The following HLCS variants were observed in gnomAD, a reference collection of about 807,000 sequenced individuals.
The protein encoded by HLCS is biotin--protein ligase.
In HLCS, 53 loss-of-function variants were observed where a neutral mutation model predicts 75.0. That is an observed-to-expected ratio of 0.71 (90% CI 0.57 to 0.89). HLCS has a LOEUF of 0.89. Ranked by LOEUF, HLCS falls within the 40% of genes least tolerant of loss-of-function variation. The pLI, the probability that HLCS is intolerant of heterozygous loss-of-function variation, is 0.00. For missense variants in HLCS, 966 were observed against 1,074.0 expected (o/e 0.90, Z 1.41); for synonymous variants, 431 against 428.6 (o/e 1.01, Z -0.07).
intron 6 of HLCS, among the ~76,000 whole-genome samples, chr21:36,788,799 G>T (rs947206748): frequency 5.3e-5 from 8 of 152,170 alleles, no homozygotes; most frequent in Admixed American, 3.9e-4. Flanking sequence ...AGACACTGAG[G>T]TGCAGTCACG....
intron 6 of HLCS, among the ~76,000 whole-genome samples, chr21:36,882,739 G>T (rs2064284350): frequency 6.6e-6 from 1 of 151,102 alleles, no homozygotes; most frequent in African/African-American, 2.4e-5. Context: ...GGGATTACAG[G>T]TGTGAGCCAC....
chr21:36,837,439 A>AG (rs1208257119), intron 6 of HLCS, among the ~76,000 whole-genome samples: 1 of 152,194 alleles, frequency 6.6e-6, no homozygotes, highest in Non-Finnish European at 1.5e-5. Context: ...AGCACACAAA[A>AG]AACTTCATCT....
chr21:36,971,485 G>A (rs575587462), upstream of HLCS, among the ~76,000 whole-genome samples: 4 of 152,244 alleles, frequency 2.6e-5, no homozygotes, highest in East Asian at 1.9e-4. Context: ...TGCCAAATCA[G>A]GACGATTTGA....
At chr21:36,921,897 C>G (rs1201552927) in intron 5 of HLCS, among the ~76,000 whole-genome samples, 1 of 152,178 alleles carries the variant, frequency 6.6e-6, no homozygotes, top group Non-Finnish European at 1.5e-5. Context: ...TTCTCTCACT[C>G]TCTGGGAGAA....
intron 10 of HLCS, among the ~76,000 whole-genome samples, chr21:36,755,127 T>C (rs2089510524): frequency 6.6e-6 from 1 of 151,946 alleles, no homozygotes; most frequent in African/African-American, 2.4e-5. Flanking sequence ...CTGGGTGTGG[T>C]AGCTCATGTT....
chr21:36,796,658 CG>C (rs1472365950), intron 6 of HLCS, among the ~76,000 whole-genome samples: 1 of 152,168 alleles, frequency 6.6e-6, no homozygotes, highest in African/African-American at 2.4e-5. Context: ...CAAACATTAT[CG>C]GGGCCACTAA....
chr21:36,939,404 G>A (rs1157352518), intron 2 of HLCS, among the ~76,000 whole-genome samples: 5 of 152,166 alleles, frequency 3.3e-5, no homozygotes, highest in African/African-American at 4.8e-5. Context: ...AGTGTGGTCC[G>A]AGACCAAGTG....
chr21:36,933,767 G>A (rs2066755511), intron 4 of HLCS, among the ~76,000 whole-genome samples: 1 of 152,166 alleles, frequency 6.6e-6, no homozygotes, highest in African/African-American at 2.4e-5. Flanking sequence ...CACTAGAGCC[G>A]AAGGGATGAG....
rs192664694 is a variant in HLCS, at chr21:36,925,091, A to G, written c.1620+5160T>C. ...AACAAAACCTGCTTTTTATGGGGGG[A>G]AAAAGTTTCACAGTAAAAATTTGGG... On this transcript the variant is annotated intron_variant, in intron 5 of 10. Coordinates refer to ENST00000674895, the MANE Select transcript of HLCS (RefSeq NM_001352514.2). Among the ~76,000 whole-genome samples the G allele has an allele frequency of 1.5e-3, 230 of 152,234 alleles. 2 individuals are homozygous for G. The highest frequency in any genetic ancestry group is 5.3e-3 in the African/African-American group (219 of 41,538).
chr21:36,960,239 G>A (rs576464270), intron 2 of HLCS, among the ~76,000 whole-genome samples: 1 of 150,946 alleles, frequency 6.6e-6, no homozygotes, highest in African/African-American at 2.4e-5. Context: ...TGAGCTGAGT[G>A]CAGCCTGCCA....
chr21:36,987,096 T>C (rs536456859), intron 1 of HLCS, among the ~76,000 whole-genome samples: 1 of 152,364 alleles, frequency 6.6e-6, no homozygotes, highest in Non-Finnish European at 1.5e-5. Context: ...GTCTCTATCA[T>C]TCTTTGAGCA....
At chr21:36,926,288 C>A (rs549674996) in intron 5 of HLCS, among the ~76,000 whole-genome samples, 1 of 152,210 alleles carries the variant, frequency 6.6e-6, no homozygotes, top group Non-Finnish European at 1.5e-5. Flanking sequence ...GCTCGGAGGC[C>A]CCCACACACC....
chr21:36,838,171 C>T (rs755337158), intron 6 of HLCS, among the ~76,000 whole-genome samples: 3 of 152,090 alleles, frequency 2.0e-5, no homozygotes, highest in Non-Finnish European at 2.9e-5. Context: ...AACGCTGGGA[C>T]GCAGCCTCCA....
intron 6 of HLCS, among the ~76,000 whole-genome samples, chr21:36,808,378 C>T (rs1172342597): frequency 6.6e-6 from 1 of 152,130 alleles, no homozygotes; most frequent in African/African-American, 2.4e-5. Context: ...TTCCTCTGTT[C>T]CCCATTTCCT....
At chr21:36,778,203 T>TCA (rs1255822088) in intron 6 of HLCS, among the ~76,000 whole-genome samples, 1 of 152,148 alleles carries the variant, frequency 6.6e-6, no homozygotes, top group East Asian at 1.9e-4. Context: ...TCTCCTGCCC[T>TCA]TGTGATCCGC....
At chr21:36,916,517 AATT>A (rs1460771802) in intron 5 of HLCS, among the ~76,000 whole-genome samples, 2,964 of 136,464 alleles carry the variant, frequency 0.022, 101 homozygotes, top group Non-Finnish European at 0.034. Flanking sequence ...ATGCCTAGCT[AATT>A]TTTTTTTTTT....
At chr21:36,943,755 G>A (rs1172798621) in intron 2 of HLCS, 10 of 152,280 alleles carry the variant, frequency 6.6e-5, no homozygotes, top group Admixed American at 3.9e-4. Flanking sequence ...GGAAGTTGAG[G>A]CTGCAGTGAG....
chr21:36,905,452 G>T (rs1488234352), intron 5 of HLCS, among the ~76,000 whole-genome samples: 2 of 152,138 alleles, frequency 1.3e-5, no homozygotes, highest in African/African-American at 4.8e-5. Flanking sequence ...CTTCAAGGGG[G>T]TTTATAAAAT....
chr21:36,825,243 C>A (rs889719074), intron 6 of HLCS, among the ~76,000 whole-genome samples: 1 of 151,882 alleles, frequency 6.6e-6, no homozygotes, highest in African/African-American at 2.4e-5. Context: ...CGAAACTGAT[C>A]CAGGTGTGGT....
Sources: allele counts gnomAD v4.1 joint callset (sites outside exome capture counted in the v4.1 genomes callset), GRCh38; gene constraint gnomAD v4.1.1; transcripts MANE v1.5; gene names NCBI Gene and HGNC (gene_info 2026-07-23, HGNC 2026-07-21).